The following DOCK3 variants were observed in gnomAD, a reference collection of about 807,000 sequenced individuals.
DOCK3 encodes the protein dedicator of cytokinesis protein 3.
In DOCK3, 60 loss-of-function variants were observed where a neutral mutation model predicts 265.6. That is an observed-to-expected ratio of 0.23 (90% CI 0.18 to 0.28). DOCK3 has a LOEUF of 0.28. DOCK3 is among the 10% of genes least tolerant of loss of function. The probability of loss-of-function intolerance (pLI) is 1.00; values close to 1 mark genes in which losing one functional copy is unlikely to be tolerated. For missense variants in DOCK3, 1,981 were observed against 2,594.3 expected (o/e 0.76, Z 5.14); for synonymous variants, 881 against 938.0 (o/e 0.94, Z 1.11).
At chr3:51,313,024 T>C in intron 31 of DOCK3, 122 bp downstream of exon 31, 1 of 889,934 alleles carries the variant, frequency 1.1e-6, no homozygotes, top group Non-Finnish European at 1.8e-6. Context: ...TCCTTACATA[T>C]CTTTCACATA....
At chr3:50,749,903 T>C (rs1281740383) in intron 1 of DOCK3, among the ~76,000 whole-genome samples, 1 of 152,122 alleles carries the variant, frequency 6.6e-6, no homozygotes, top group East Asian at 1.9e-4. Flanking sequence ...TCAAATCCAT[T>C]ATACACTCTG....
chr3:50,857,171 G>A (rs1043436531), intron 3 of DOCK3, among the ~76,000 whole-genome samples: 1 of 152,068 alleles, frequency 6.6e-6, no homozygotes, highest in Non-Finnish European at 1.5e-5. Context: ...TTTGTTCTAG[G>A]ATGATAATGG....
intron 1 of DOCK3, among the ~76,000 whole-genome samples, chr3:50,735,087 C>G (rs76377053): frequency 1.3e-5 from 2 of 152,084 alleles, no homozygotes; most frequent in Non-Finnish European, 2.9e-5. Context: ...AAGTATAATA[C>G]TCTTTGCTGT....
chr3:50,788,630 G>C (rs2108585656), intron 2 of DOCK3, among the ~76,000 whole-genome samples: 1 of 152,334 alleles, frequency 6.6e-6, no homozygotes, highest in East Asian at 1.9e-4. Context: ...CTCCAGCCAG[G>C]CTGGCCCCTC....
At chr3:51,023,814 C>T (rs2079698846) in intron 5 of DOCK3, among the ~76,000 whole-genome samples, 2 of 151,952 alleles carry the variant, frequency 1.3e-5, no homozygotes, top group Non-Finnish European at 2.9e-5. Flanking sequence ...TCACCTTTCT[C>T]TTGTATTTCC....
chr3:51,192,824 T>C (rs533739926), intron 12 of DOCK3, among the ~76,000 whole-genome samples: 2 of 152,244 alleles, frequency 1.3e-5, no homozygotes, highest in African/African-American at 4.8e-5. Flanking sequence ...AGGGAAGCCA[T>C]TCCTGATTCT....
intron 27 of DOCK3, among the ~76,000 whole-genome samples, chr3:51,288,248 C>T (rs994277060): frequency 5.9e-5 from 9 of 151,958 alleles, no homozygotes; most frequent in African/African-American, 2.2e-4. Context: ...AAAAATGAGT[C>T]GGGCATGGCG....
chr3:51,179,418 T>C (rs1334225356), intron 12 of DOCK3, among the ~76,000 whole-genome samples: 1 of 152,234 alleles, frequency 6.6e-6, no homozygotes, highest in Non-Finnish European at 1.5e-5. Context: ...CATTGCCATT[T>C]GCCCTCATTC....
At chr3:51,179,444 T>A (rs1290911979) in intron 12 of DOCK3, among the ~76,000 whole-genome samples, 1 of 152,216 alleles carries the variant, frequency 6.6e-6, no homozygotes, top group East Asian at 1.9e-4. Context: ...TATTTAACAA[T>A]TTCGAGTAAA....
At chr3:50,826,235 G>C (rs2044747375) in intron 2 of DOCK3, among the ~76,000 whole-genome samples, 1 of 151,212 alleles carries the variant, frequency 6.6e-6, no homozygotes, top group African/African-American at 2.4e-5. Flanking sequence ...GCGTTCTGTA[G>C]TTGCTACCTC....
chr3:50,699,645 T>A (rs747577861), intron 1 of DOCK3, among the ~76,000 whole-genome samples: 4 of 152,070 alleles, frequency 2.6e-5, no homozygotes, highest in Admixed American at 2.0e-4. Flanking sequence ...TGCTTAAGTG[T>A]ATGCACCATA....
At chr3:50,747,637 A>G (rs1445551478) in intron 1 of DOCK3, among the ~76,000 whole-genome samples, 1 of 152,070 alleles carries the variant, frequency 6.6e-6, no homozygotes, top group South Asian at 2.1e-4. Context: ...GCCAAGGCAG[A>G]CGGATCACTT....
chr3:51,196,177 C>T (rs1474080552), intron 12 of DOCK3, among the ~76,000 whole-genome samples: 1 of 151,870 alleles, frequency 6.6e-6, no homozygotes, highest in African/African-American at 2.4e-5. Context: ...CTCAAGTAGG[C>T]CTCCTGCCTC....
chr3:51,125,241 G>A (rs1056185393), intron 9 of DOCK3, among the ~76,000 whole-genome samples: 14 of 152,128 alleles, frequency 9.2e-5, no homozygotes, highest in Non-Finnish European at 2.1e-4. Context: ...AAGTTGTTAA[G>A]TACTAAAAAT....
chr3:51,091,985 G>A (rs757542262), intron 9 of DOCK3, among the ~76,000 whole-genome samples: 4 of 152,178 alleles, frequency 2.6e-5, no homozygotes, highest in Admixed American at 6.5e-5. Context: ...CAGATAGTGC[G>A]CTTGTCCCAT....
chr3:51,348,875 G>C lies in DOCK3; in HGVS notation c.3939G>C (p.Leu1313=). ...KGKSWEFGIP[L]CRELACQYES... ...AGAGCTGGGAGTTTGGGATCCCACT[G>C]TGCAGGGAGCTGGCGTGTCAGTACG... Residue 1313 remains leucine, a synonymous_variant, in exon 39 of 53, where the codon CTG becomes CTC. Coordinates refer to ENST00000266037, the MANE Select transcript of DOCK3 (RefSeq NM_004947.5). 1 of 1,584,176 alleles carries C rather than the reference G, an allele frequency of 6.3e-7. No individual in the cohort carries two copies. Among genetic ancestry groups the C allele is most frequent in the Non-Finnish European group, 8.6e-7 (1 of 1,165,022 alleles).
At chr3:50,911,327 CTT>C (rs1050080356) in intron 4 of DOCK3, among the ~76,000 whole-genome samples, 2 of 152,026 alleles carry the variant, frequency 1.3e-5, no homozygotes, top group Admixed American at 1.3e-4. Flanking sequence ...TTCAAATTGA[CTT>C]TTGTATGTGG....
intron 14 of DOCK3, among the ~76,000 whole-genome samples, chr3:51,219,131 CT>C (rs1158795696): frequency 1.3e-5 from 2 of 152,168 alleles, no homozygotes; most frequent in Non-Finnish European, 2.9e-5. Context: ...ACACTCTGTC[CT>C]TTTCTTTGAC....
intron 3 of DOCK3, among the ~76,000 whole-genome samples, chr3:50,865,404 T>C (rs1414884064): frequency 6.6e-6 from 1 of 152,200 alleles, no homozygotes; most frequent in South Asian, 2.1e-4. Flanking sequence ...CATGTGATGT[T>C]TGTCTTTCTG....
Sources: gnomAD v4.1 joint callset for allele counts (sites outside exome capture counted in the v4.1 genomes callset) on GRCh38, gnomAD v4.1.1 for gene constraint, MANE v1.5 for transcripts, NCBI Gene and HGNC (gene_info 2026-07-23, HGNC 2026-07-21) for gene names.